RTEL1: variants seen among roughly 807,000 people sequenced by gnomAD.
RTEL1 encodes regulator of telomere length.
A neutral mutation model predicts 162.2 loss-of-function variants in RTEL1; 86 were observed. That is an observed-to-expected ratio of 0.53 (90% CI 0.45 to 0.63). The LOEUF (loss-of-function observed/expected upper bound fraction) is 0.63, where lower values mean the gene tolerates loss of function less well. Ranked by LOEUF, RTEL1 falls within the 30% of genes least tolerant of loss-of-function variation. The pLI is 0.00. For missense variants in RTEL1, 1,941 were observed against 1,750.2 expected (o/e 1.11, Z -1.95); for synonymous variants, 958 against 717.9 (o/e 1.33, Z -5.35).
rs2090786315 is a variant in RTEL1, at chr20:63,692,853, G to C, written c.2701G>C (p.Val901Leu). The C allele has an allele frequency of 6.2e-7, 1 of 1,612,528 alleles. No individual in the cohort carries two copies. The highest frequency in any genetic ancestry group is 1.7e-5 in the Admixed American group (1 of 60,004). The change falls in exon 29 of 35, where the codon GTG becomes CTG. Residue 901 changes from valine to leucine, a missense_variant. By Grantham distance (32) the Val-to-Leu change is conservative. Coordinates refer to ENST00000360203, the MANE Select transcript of RTEL1 (RefSeq NM_001283009.2). Reference sequence around the variant, plus strand: ...GACGGACAGGGCCAAGCTCTTCATGGTGGCCGTGAAGCAGGAGTTGAGCCA... The same window carrying C: ...GACGGACAGGGCCAAGCTCTTCATGCTGGCCGTGAAGCAGGAGTTGAGCCA... ...AQTDRAKLFM[V>L]AVKQELSQAN...
Position 63,689,147 on chromosome 20 carries a change from GC to G in RTEL1, c.1878+18del. ...GCCGGGGCAAGGTGAGCTCTCCAGG[GC>G]CCTCTGCCCTGACCTGGTTGCCTGT... On this transcript the variant is annotated intron_variant, in intron 22 of 34. Coordinates refer to ENST00000360203, the MANE Select transcript of RTEL1 (RefSeq NM_001283009.2). 1.2e-6 allele frequency: 2 copies of G among 1,605,856 alleles called. No homozygotes were observed. Among genetic ancestry groups the G allele is most frequent in the Non-Finnish European group, 1.7e-6 (2 of 1,179,258 alleles).
chr20:63,687,994 G>C lies in RTEL1; in HGVS notation c.1539G>C (p.Val513=). ...TCATCGACAAGCACCAGATCTGGGT[G>C]GGGGTCGTCCCCAGAGGCCCCGATG... ...PHIIDKHQIW[V]GVVPRGPDGA... Residue 513 remains valine (V), a synonymous_variant, in exon 18 of 35, where the codon GTG becomes GTC. Coordinates refer to ENST00000360203, the MANE Select transcript of RTEL1 (RefSeq NM_001283009.2). 1 of 1,612,824 alleles carries C rather than the reference G, an allele frequency of 6.2e-7. No individual in the cohort carries two copies. The highest frequency in any genetic ancestry group is 8.5e-7 in the Non-Finnish European group (1 of 1,179,998).
At chr20:63,683,951 G>C (rs533500678) in intron 14 of RTEL1, among the ~76,000 whole-genome samples, 1 of 152,314 alleles carries the variant, frequency 6.6e-6, no homozygotes, top group East Asian at 1.9e-4. Flanking sequence ...CTCTCTCTAA[G>C]TTCTGAGGAT....
intron 26 of RTEL1, 71 bp from the exon 27 acceptor site, chr20:63,690,734 G>A (rs536346668): frequency 3.3e-6 from 5 of 1,496,480 alleles, no homozygotes; most frequent in Non-Finnish European, 4.5e-6. Flanking sequence ...CCCAAGAGGG[G>A]CTTTGCCACA....
chr20:63,667,138 C>T (rs1306488403), intron 7 of RTEL1, among the ~76,000 whole-genome samples: 2 of 152,198 alleles, frequency 1.3e-5, no homozygotes, highest in Non-Finnish European at 2.9e-5. Context: ...CGCGCCCGGC[C>T]CAGCTCTGCT....
rs771462323 is a variant in RTEL1, at chr20:63,661,425, A to G, written c.230A>G (p.Gln77Arg). ...ISARKIAERA[Q>R]GELFPDRALS... ...GCCCGCAAGATTGCCGAGAGGGCGC[A>G]AGGAGAGCTTTTCCCGGATCGGGCC... The change falls in exon 3 of 35, where the codon CAA (glutamine) becomes CGA (arginine). Residue 77 changes from glutamine (Q) to arginine (R), a missense_variant. Gln to Arg is a conservative substitution (Grantham distance 43). Coordinates refer to ENST00000360203, the MANE Select transcript of RTEL1 (RefSeq NM_001283009.2). The surrounding 1 kb of genome is among the most constrained non-coding windows in gnomAD (Gnocchi z 5.1). The G allele has an allele frequency of 3.1e-6, 5 of 1,613,536 alleles. No individual in the cohort carries two copies. Among genetic ancestry groups the G allele is most frequent in the Non-Finnish European group, 4.2e-6 (5 of 1,180,014 alleles).
chr20:63,678,654 AGCACACACACCCACGGAACG>A (rs1385952908), intron 12 of RTEL1, among the ~76,000 whole-genome samples: 5 of 116,910 alleles, frequency 4.3e-5, no homozygotes, highest in East Asian at 2.4e-4. Context: ...CCCACGGAAC[AGCACACACACCCACGGAACG>A]GCACACACAC....
At position 63,695,974 on chromosome 20, in the gene RTEL1, C is replaced by T. The variant is rs536472739; in HGVS notation, c.*116C>T. On this transcript the variant is annotated 3_prime_UTR_variant, in exon 35 of 35. Coordinates refer to ENST00000360203, the MANE Select transcript of RTEL1 (RefSeq NM_001283009.2). ...CCAGCCCATGCCAGCCGGCTTGGCC[C>T]GCTGCAGGCCTCAGGCAGGCGGGGC... 73 of 1,035,498 alleles carry T rather than the reference C, an allele frequency of 7.0e-5. No individual in the cohort carries two copies. In the East Asian group the frequency reaches 9.7e-4, roughly 14 times the overall value. 64.1% of individuals were successfully genotyped at this position (1,035,498 alleles called of 1,614,324 possible). A position where few individuals can be genotyped will look rare whatever the true frequency, so the allele number is the denominator to read the frequency against.
In RTEL1 at chr20:63,672,531, T is replaced by A. The variant is rs770786730; in HGVS notation, c.700-25T>A. 4 of 1,555,834 alleles carry A rather than the reference T, an allele frequency of 2.6e-6. No individual in the cohort carries two copies. The African/African-American group carries it at 5.4e-5, about 21-fold the overall frequency. ...TCCCGGCCTCTGTGAGCTCCAGCGC[T>A]GCGTCCCTTCTCTTCCTCCTGTAGA... On this transcript the variant is annotated intron_variant, in intron 8 of 34. Transcript: ENST00000360203.
chr20:63,681,644 GGCAC>G (rs1157197016), intron 14 of RTEL1: 78 of 985,404 alleles, frequency 7.9e-5, no homozygotes, highest in Non-Finnish European at 9.2e-5. Context: ...GGAACAAGCA[GGCAC>G]TGCCTTCTCC....
chr20:63,662,546 G>A lies in RTEL1; in HGVS notation c.396G>A (p.Arg132=). ...GACCCACGGTGCTCTCTCCCACCAG[G>A]CCTAAGGTGTGTGTGCTGGGCTCCC... is the stretch of plus-strand genomic sequence containing the variant. ...VINELRNTSY[R]PKVCVLGSRE... Residue 132 remains arginine (R), a splice_region_variant and synonymous_variant, in exon 5 of 35, where the codon CGG becomes CGA. Coordinates refer to ENST00000360203, the MANE Select transcript of RTEL1 (RefSeq NM_001283009.2). 1 of 1,614,012 alleles carries A rather than the reference G, an allele frequency of 6.2e-7. No homozygotes were observed. Among genetic ancestry groups the A allele is most frequent in the Non-Finnish European group, 8.5e-7 (1 of 1,180,010 alleles).
intron 6 of RTEL1, 126 bp from the exon 7 acceptor site, chr20:63,665,878 C>A (rs2090115681): frequency 1.3e-6 from 1 of 783,050 alleles, no homozygotes; most frequent in Non-Finnish European, 2.0e-6. Flanking sequence ...GTGGCGCGTT[C>A]ACGGTTGGTG....
At position 63,695,470 on chromosome 20, in the gene RTEL1, A is replaced by G. The variant is rs1228117671; in HGVS notation, c.3642A>G (p.Ala1214=). 3.7e-6 allele frequency: 6 copies of G among 1,602,856 alleles called. No homozygotes were observed. Among genetic ancestry groups the G allele is most frequent in the Admixed American group, 3.4e-5 (2 of 59,276 alleles). Residue 1214 remains alanine, a synonymous_variant, in exon 34 of 35, where the codon GCA becomes GCG. Coordinates refer to ENST00000360203, the MANE Select transcript of RTEL1 (RefSeq NM_001283009.2). ...QSSGPPHGPA[A]SEWGEPHGRD... Reference sequence around the variant, plus strand: ...CAGGACCTCCCCACGGGCCTGCAGCATCTGAGTGGGGTGAGCCTCATGGGA... The same window carrying G: ...CAGGACCTCCCCACGGGCCTGCAGCGTCTGAGTGGGGTGAGCCTCATGGGA...
At position 63,694,516 on chromosome 20, in the gene RTEL1, C is replaced by T. The variant is rs778252363; in HGVS notation, c.3109+28C>T. 11 of 1,539,990 alleles carry T rather than the reference C, an allele frequency of 7.1e-6. No homozygotes were observed. In the South Asian group the frequency reaches 8.0e-5, roughly 11 times the overall value. ...AGCTGACTCCTGAACCGTGTGCAGC[C>T]TACGACTTGGTGGGTCCCTCAGTGG... is the stretch of plus-strand genomic sequence containing the variant. On this transcript the variant is annotated intron_variant, in intron 31 of 34. Coordinates refer to ENST00000360203, the MANE Select transcript of RTEL1 (RefSeq NM_001283009.2).
At position 63,668,870 on chromosome 20, in the gene RTEL1, C is replaced by T. The variant is rs556314480; in HGVS notation, c.699+1317C>T. ...GAACAGAGCTGGAGGACTCACCTCG[C>T]TGGTTTCAAGACTCCTCTAAAGCTG... is the stretch of plus-strand genomic sequence containing the variant. On this transcript the variant is annotated intron_variant, in intron 8 of 34. Coordinates refer to ENST00000360203, the MANE Select transcript of RTEL1 (RefSeq NM_001283009.2). This position sits in a 1 kb window ranked among gnomAD's most constrained non-coding sequence, Gnocchi z 4.3. 5.9e-5 allele frequency among the ~76,000 whole-genome samples: 9 copies of T among 152,342 alleles called. 1 individual carries two copies. The South Asian group carries it at 1.7e-3, about 28-fold the overall frequency.
rs1402437458 is a variant in RTEL1 at position 63,685,614 on chromosome 20, G to C, written c.1266+17G>C. The C allele has an allele frequency of 5.6e-6, 9 of 1,604,456 alleles. No homozygotes were observed. The South Asian group carries it at 1.0e-4, about 18-fold the overall frequency. On this transcript the variant is annotated intron_variant, in intron 15 of 34. Transcript: ENST00000360203. ...TCCTATAAGGTAGGGGCCACCTCCAGGAGGCAGGTGGAGGGCAGCCCTTGT... is the reference window on the plus strand; with the variant it reads ...TCCTATAAGGTAGGGGCCACCTCCACGAGGCAGGTGGAGGGCAGCCCTTGT...
Position 63,661,997 on chromosome 20 carries a change from C to T in RTEL1, c.395+54C>T. The T allele has an allele frequency of 1.5e-6, 2 of 1,357,822 alleles. No homozygotes were observed. The highest frequency in any genetic ancestry group is 1.2e-5 in the South Asian group (1 of 85,700). 84.1% of individuals were successfully genotyped at this position (1,357,822 alleles called of 1,614,324 possible). ...GGGGTCCTCAAGAGAACCAGCTTGGCATGGTGCTGAGTCCACAGCCCCATG... is the reference window on the plus strand; with the variant it reads ...GGGGTCCTCAAGAGAACCAGCTTGGTATGGTGCTGAGTCCACAGCCCCATG... On this transcript the variant is annotated intron_variant, in intron 4 of 34. Coordinates refer to ENST00000360203, the MANE Select transcript of RTEL1 (RefSeq NM_001283009.2). The surrounding 1 kb of genome is among the most constrained non-coding windows in gnomAD (Gnocchi z 5.1).
At chr20:63,683,139 A>G (rs1341115347) in intron 14 of RTEL1, among the ~76,000 whole-genome samples, 1 of 152,074 alleles carries the variant, frequency 6.6e-6, no homozygotes, top group Non-Finnish European at 1.5e-5. Context: ...AATTTTTAAA[A>G]TTTTTTTGTA....
intron 2 of RTEL1, chr20:63,660,552 A>G (rs573521269): frequency 6.6e-6 from 1 of 152,532 alleles, no homozygotes; most frequent in African/African-American, 2.4e-5. Flanking sequence ...GGCTGGGGCA[A>G]AGTTACAGAT....
Sources: gnomAD v4.1 joint callset for allele counts (sites outside exome capture counted in the v4.1 genomes callset) on GRCh38, gnomAD v4.1.1 for gene constraint, Gnocchi (gnomAD v3.1) non-coding constraint, MANE v1.5 for transcripts, NCBI Gene and HGNC (gene_info 2026-07-23, HGNC 2026-07-21) for gene names.